GTF2H5: variants seen among roughly 807,000 people sequenced by gnomAD.
GTF2H5 encodes the protein general transcription factor IIH subunit 5, also known as TFB5 ortholog.
GTF2H5 carries 5 observed loss-of-function variants against 7.1 expected under a neutral mutation model. That is an observed-to-expected ratio of 0.71 (90% confidence interval 0.37 to 1.49). The LOEUF is 1.49. Ranked by LOEUF, GTF2H5 falls within the 40% of genes most tolerant of loss-of-function variation. GTF2H5 has a pLI of 0.03. For missense variants in GTF2H5, 80 were observed against 83.0 expected (o/e 0.96, Z 0.14); for synonymous variants, 30 against 31.7 (o/e 0.95, Z 0.18).
intron 2 of GTF2H5, among the ~76,000 whole-genome samples, chr6:158,170,995 A>G (rs968401835): frequency 1.3e-5 from 2 of 152,236 alleles, no homozygotes; most frequent in Admixed American, 6.5e-5. Context: ...TCCAGTGTCC[A>G]GGAACCCCGG....
intron 2 of GTF2H5, among the ~76,000 whole-genome samples, chr6:158,183,268 G>T (rs947483373): frequency 6.6e-6 from 1 of 152,150 alleles, no homozygotes; most frequent in Non-Finnish European, 1.5e-5. Context: ...TCGTAGAGGG[G>T]CACCTGCCTG....
chr6:158,191,726 C>T (rs899873168), intron 2 of GTF2H5, among the ~76,000 whole-genome samples: 1 of 152,206 alleles, frequency 6.6e-6, no homozygotes, highest in Admixed American at 6.5e-5. Flanking sequence ...TGGTGATCCA[C>T]CCACCTCGGC....
intron 2 of GTF2H5, among the ~76,000 whole-genome samples, chr6:158,188,882 A>G (rs1398800457): frequency 2.0e-5 from 3 of 151,816 alleles, no homozygotes; most frequent in African/African-American, 7.3e-5. Context: ...CAGACTCCCA[A>G]GCTATCTCTG....
intron 2 of GTF2H5, 115 bp downstream of exon 2, chr6:158,170,653 G>A (rs1218727348): frequency 2.6e-5 from 21 of 793,472 alleles, no homozygotes; most frequent in East Asian, 7.8e-5. Flanking sequence ...CAAGTCTTTC[G>A]CTTTTAACAA....
chr6:158,178,283 G>A (rs930465404), intron 2 of GTF2H5, among the ~76,000 whole-genome samples: 1 of 151,928 alleles, frequency 6.6e-6, no homozygotes, highest in Non-Finnish European at 1.5e-5. Context: ...TCAGGAGATC[G>A]AGACCATCCT....
At chr6:158,169,681 A>ATTGTATATTG (rs1562469138) in intron 1 of GTF2H5, among the ~76,000 whole-genome samples, 12 of 52,512 alleles carry the variant, frequency 2.3e-4, no homozygotes, top group African/African-American at 1.2e-3. Context: ...ATTATATAAT[A>ATTGTATATTG]TATAATATAT....
At chr6:158,171,125 G>T (rs751561208) in intron 2 of GTF2H5, among the ~76,000 whole-genome samples, 17 of 152,114 alleles carry the variant, frequency 1.1e-4, no homozygotes, top group Non-Finnish European at 1.6e-4. Context: ...GGCTAAGGAG[G>T]AGCAAGACCA....
At position 158,168,378 on chromosome 6, in the gene GTF2H5, C is replaced by T. The variant is rs984352604; in HGVS notation, c.-52C>T. 5 of 152,472 alleles carry T rather than the reference C, an allele frequency of 3.3e-5. No individual in the cohort carries two copies. Among genetic ancestry groups the T allele is most frequent in the African/African-American group, 1.2e-4 (5 of 41,578 alleles). 9.4% of individuals were successfully genotyped at this position (152,472 alleles called of 1,614,324 possible). ...CTCTGCCGGCAACGCCGAGGCGCTT[C>T]TGCATCTGTGGGCCGAGGTGTGTGG... On this transcript the variant is annotated 5_prime_UTR_variant, in exon 1 of 3. Coordinates refer to ENST00000607778, the MANE Select transcript of GTF2H5 (RefSeq NM_207118.3).
At chr6:158,168,753 T>C (rs767688656) in intron 1 of GTF2H5, among the ~76,000 whole-genome samples, 4 of 152,256 alleles carry the variant, frequency 2.6e-5, no homozygotes, top group Non-Finnish European at 5.9e-5. Context: ...TTTTTTCCTT[T>C]GGCCAGGAAC....
Position 158,196,564 on chromosome 6 carries a change from A to G in GTF2H5, c.*4407A>G, listed in dbSNP as rs1777116872. 2.0e-5 allele frequency: 3 copies of G among 152,364 alleles called. No homozygotes were observed. In the South Asian group the frequency reaches 6.2e-4, roughly 32 times the overall value. The allele number at this position is 152,364 out of a possible 1,614,324, so 9.4% of individuals were successfully genotyped here. ...AGCAAAATAAACTCATCATTATAAC[A>G]TGTCTGAACAGGATCTAGTTTGAGG... is the stretch of plus-strand genomic sequence containing the variant. On this transcript the variant is annotated 3_prime_UTR_variant, in exon 3 of 3. Coordinates refer to ENST00000607778, the MANE Select transcript of GTF2H5 (RefSeq NM_207118.3).
chr6:158,187,163 T>C (rs1776942193), intron 2 of GTF2H5, among the ~76,000 whole-genome samples: 2 of 151,826 alleles, frequency 1.3e-5, no homozygotes, highest in African/African-American at 4.8e-5. Context: ...CCCGGCTAAT[T>C]TTTGTATTTT....
chr6:158,178,909 A>G (rs550264710), intron 2 of GTF2H5, among the ~76,000 whole-genome samples: 2 of 152,330 alleles, frequency 1.3e-5, no homozygotes, highest in East Asian at 3.9e-4. Context: ...TGTTTTAGAC[A>G]TGAAGTCTTT....
chr6:158,168,529 C>G (rs1031482545), intron 1 of GTF2H5, 134 bp downstream of exon 1: 1 of 152,420 alleles, frequency 6.6e-6, no homozygotes, highest in Non-Finnish European at 1.5e-5. Context: ...GCGGTGTCCC[C>G]CACTCTCTCC....
At chr6:158,169,611 A>G (rs1225153454) in intron 1 of GTF2H5, among the ~76,000 whole-genome samples, 2 of 89,346 alleles carry the variant, frequency 2.2e-5, no homozygotes, top group Admixed American at 2.0e-4. Context: ...CATATATTGT[A>G]TATTACATAT....
At position 158,195,784 on chromosome 6, in the gene GTF2H5, C is replaced by G. The variant is rs561150080; in HGVS notation, c.*3627C>G. The G allele has an allele frequency of 6.6e-6, 1 of 152,150 alleles. No homozygotes were observed. The highest frequency in any genetic ancestry group is 1.5e-5 in the Non-Finnish European group (1 of 68,028). 9.4% of individuals were successfully genotyped at this position (152,150 alleles called of 1,614,324 possible). On this transcript the variant is annotated 3_prime_UTR_variant, in exon 3 of 3. Coordinates refer to ENST00000607778, the MANE Select transcript of GTF2H5 (RefSeq NM_207118.3). ...CTGTAACTAAAATACTGAGATCATT[C>G]TATCTTAACAAACTTAACAGATGGG...
chr6:158,168,863 C>G (rs1050862984), intron 1 of GTF2H5, among the ~76,000 whole-genome samples: 3 of 152,212 alleles, frequency 2.0e-5, no homozygotes, highest in African/African-American at 7.2e-5. Flanking sequence ...ATTGGGAGGC[C>G]GAGGCGGGCA....
rs1570219 is a variant in GTF2H5 at position 158,198,007 on chromosome 6, A to T, written c.*5850A>T. The T allele has an allele frequency of 6.6e-6, 1 of 152,092 alleles. No homozygotes were observed. The highest frequency in any genetic ancestry group is 1.5e-5 in the Non-Finnish European group (1 of 68,010). 9.4% of individuals were successfully genotyped at this position (152,092 alleles called of 1,614,324 possible). A position where few individuals can be genotyped will look rare whatever the true frequency, so the allele number is the denominator to read the frequency against. On this transcript the variant is annotated 3_prime_UTR_variant, in exon 3 of 3. Transcript: ENST00000607778. ...AATTATATTTTATTTTTATCTTTTA[A>T]TTCTATTTTTCCATGAACTTTTTGA...
intron 2 of GTF2H5, among the ~76,000 whole-genome samples, chr6:158,175,047 T>TAC (rs1157220845): frequency 1.3e-4 from 20 of 150,596 alleles, no homozygotes; most frequent in East Asian, 7.8e-4. Context: ...TGTGTGTGTA[T>TAC]ACACACACAC....
chr6:158,169,357 TAC>T (rs1417774414), intron 1 of GTF2H5, among the ~76,000 whole-genome samples: 2 of 80,252 alleles, frequency 2.5e-5, no homozygotes, highest in Non-Finnish European at 4.7e-5. Context: ...TTATATATAA[TAC>T]ATATATATAA....
Sources: allele counts gnomAD v4.1 joint callset (sites outside exome capture counted in the v4.1 genomes callset), GRCh38; gene constraint gnomAD v4.1.1; transcripts MANE v1.5; gene names NCBI Gene and HGNC (gene_info 2026-07-23, HGNC 2026-07-21).